RFX3: variants seen among roughly 807,000 people sequenced by gnomAD.
The protein encoded by RFX3 is regulatory factor X3, also known as transcription factor RFX3.
RFX3 carries 14 observed loss-of-function variants against 98.6 expected under a neutral mutation model. The observed-to-expected ratio is 0.14, with a 90% CI of 0.09 to 0.22. The LOEUF (loss-of-function observed/expected upper bound fraction) is 0.22. RFX3 is among the 10% of genes least tolerant of loss of function. The probability of loss-of-function intolerance (pLI) is 1.00; values close to 1 mark genes in which losing one functional copy is unlikely to be tolerated. For missense variants in RFX3, 639 were observed against 926.9 expected (o/e 0.69, Z 4.03); for synonymous variants, 383 against 328.4 (o/e 1.17, Z -1.80).
chr9:3,498,204 A>G (rs1469062800), intron 1 of RFX3, among the ~76,000 whole-genome samples: 1 of 151,942 alleles, frequency 6.6e-6, no homozygotes, highest in East Asian at 1.9e-4. Flanking sequence ...ACAATGTTAC[A>G]CTCTTAGGAA....
chr9:3,245,392 A>G (rs1423942597), intron 15 of RFX3, among the ~76,000 whole-genome samples: 2 of 152,188 alleles, frequency 1.3e-5, no homozygotes, highest in African/African-American at 4.8e-5. Flanking sequence ...AGGAAGTGGG[A>G]GGCTGATGTT....
At chr9:3,512,140 A>C (rs1450075008) in intron 1 of RFX3, among the ~76,000 whole-genome samples, 1 of 152,014 alleles carries the variant, frequency 6.6e-6, no homozygotes, top group Non-Finnish European at 1.5e-5. Context: ...AAAAAACAAG[A>C]TCATTTTTAA....
Position 3,403,722 on chromosome 9 carries a change from A to T in RFX3, c.-8-8126T>A, listed in dbSNP as rs10971813. ...AAACAATCCCTTAACACTGAAGCCA[A>T]ACTGCTGGAAAGACATACAGGACAG... is the stretch of plus-strand genomic sequence containing the variant. On this transcript the variant is annotated intron_variant, in intron 1 of 16. Transcript: ENST00000617270. Among the ~76,000 whole-genome samples, 25 of 152,328 alleles carry T rather than the reference A, an allele frequency of 1.6e-4. No homozygotes were observed. The East Asian group carries it at 4.6e-3, about 28-fold the overall frequency.
chr9:3,379,905 T>C (rs966976008), intron 2 of RFX3, among the ~76,000 whole-genome samples: 6 of 151,110 alleles, frequency 4.0e-5, no homozygotes, highest in Non-Finnish European at 7.4e-5. Context: ...TATTTATTTA[T>C]TTATTTATTT....
chr9:3,486,927 T>A (rs1046505305), intron 1 of RFX3, among the ~76,000 whole-genome samples: 1 of 152,212 alleles, frequency 6.6e-6, no homozygotes, highest in South Asian at 2.1e-4. Flanking sequence ...TTGGAACTCA[T>A]TATTATCAAA....
At chr9:3,342,186 G>A (rs1377682375) in intron 3 of RFX3, among the ~76,000 whole-genome samples, 5 of 152,142 alleles carry the variant, frequency 3.3e-5, no homozygotes, top group African/African-American at 1.2e-4. Context: ...ATTTCCCAAA[G>A]CATAACATGT....
At chr9:3,488,719 C>G in intron 1 of RFX3, 2 of 915,418 alleles carry the variant, frequency 2.2e-6, no homozygotes, top group Non-Finnish European at 2.6e-6. Context: ...ACCTTATATC[C>G]ATAAAATTGT....
At chr9:3,491,947 T>C (rs531965765) in intron 1 of RFX3, among the ~76,000 whole-genome samples, 1 of 152,350 alleles carries the variant, frequency 6.6e-6, no homozygotes, top group South Asian at 2.1e-4. Flanking sequence ...ATCGATGCTA[T>C]CTACCTACAA....
chr9:3,332,993 C>T (rs1832768329), intron 3 of RFX3, among the ~76,000 whole-genome samples: 2 of 152,162 alleles, frequency 1.3e-5, no homozygotes, highest in Non-Finnish European at 2.9e-5. Flanking sequence ...TCTGTACTTT[C>T]CCAACATCCT....
chr9:3,230,371 A>T (rs1818304971), intron 15 of RFX3, among the ~76,000 whole-genome samples: 1 of 152,170 alleles, frequency 6.6e-6, no homozygotes, highest in Non-Finnish European at 1.5e-5. Context: ...TAGAGTTATT[A>T]AAAGTAATGG....
chr9:3,488,033 C>A (rs1347063839), intron 1 of RFX3, among the ~76,000 whole-genome samples: 3 of 151,618 alleles, frequency 2.0e-5, no homozygotes, highest in Admixed American at 6.6e-5. Context: ...ATTATAATTA[C>A]TGTTCTATAG....
At chr9:3,448,179 A>G (rs1846223556) in intron 1 of RFX3, among the ~76,000 whole-genome samples, 1 of 152,156 alleles carries the variant, frequency 6.6e-6, no homozygotes, top group African/African-American at 2.4e-5. Flanking sequence ...AAAAAATTAC[A>G]TTCTTACAAT....
chr9:3,437,628 C>G lies in RFX3; in HGVS notation c.-8-42032G>C, dbSNP rs539547066. ...TCATAAAGCTATTTCAGGTTTAGGC[C>G]TCTCAGGAGTTCATACATAGACTTC... is the stretch of plus-strand genomic sequence containing the variant. On this transcript the variant is annotated intron_variant, in intron 1 of 16. Transcript: ENST00000617270. 5.3e-5 allele frequency among the ~76,000 whole-genome samples: 8 copies of G among 152,146 alleles called. No homozygotes were observed. In the East Asian group the frequency reaches 1.5e-3, roughly 29 times the overall value.
chr9:3,470,574 G>T lies in RFX3; in HGVS notation c.-9+55173C>A, dbSNP rs535063388. Among the ~76,000 whole-genome samples, 21 of 151,562 alleles carry T rather than the reference G, an allele frequency of 1.4e-4. No individual in the cohort carries two copies. The South Asian group carries it at 2.7e-3, about 20-fold the overall frequency. ...GATCTCCTGACCTCGTGATCCGCCC[G>T]CCTCGGCCTCCCAGAGTGCTGGGAT... is the stretch of plus-strand genomic sequence containing the variant. On this transcript the variant is annotated intron_variant, in intron 1 of 16. Coordinates refer to ENST00000617270, the MANE Select transcript of RFX3 (RefSeq NM_001282116.2).
chr9:3,420,749 C>CTTCA lies in RFX3; in HGVS notation c.-8-25157_-8-25154dup, dbSNP rs1433082786. ...AACCCCTGTATCCTTCCATAACTGC[C>CTTCA]TTCATTCATCACTACTGTTCTTTCC... On this transcript the variant is annotated intron_variant, in intron 1 of 16. Transcript: ENST00000617270. 3 of 978,494 alleles carry CTTCA rather than the reference C, an allele frequency of 3.1e-6. No individual in the cohort carries two copies. The African/African-American group carries it at 5.3e-5, about 17-fold the overall frequency. 60.6% of individuals were successfully genotyped at this position (978,494 alleles called of 1,614,324 possible).
rs578131003 is a variant in RFX3 at position 3,270,790 on chromosome 9, C to T, written c.1202+213G>A. ...AATTCCATGAGGATGAAATAACTAC[C>T]ACAGTCCCCCAAATCAGTACAAATG... On this transcript the variant is annotated intron_variant, in intron 10 of 16. Transcript: ENST00000617270. 9.4e-5 allele frequency: 65 copies of T among 690,988 alleles called. No individual in the cohort carries two copies. The South Asian group carries it at 1.1e-3, about 12-fold the overall frequency. The allele number at this position is 690,988 out of a possible 1,614,324, so 42.8% of individuals were successfully genotyped here.
In RFX3 at chr9:3,359,804, T is replaced by C. The variant is rs1836199966; in HGVS notation, c.118-13040A>G. On this transcript the variant is annotated intron_variant, in intron 2 of 16. Coordinates refer to ENST00000617270, the MANE Select transcript of RFX3 (RefSeq NM_001282116.2). ...ATATGATCACTTTTAATACCATTAG[T>C]GTATCATTAAAAACCAAAGGTGAAA... Among the ~76,000 whole-genome samples the C allele has an allele frequency of 2.0e-5, 3 of 152,248 alleles. No homozygotes were observed. In the South Asian group the frequency reaches 6.2e-4, roughly 32 times the overall value.
chr9:3,265,791 T>C (rs1823556118), intron 12 of RFX3, among the ~76,000 whole-genome samples: 1 of 152,154 alleles, frequency 6.6e-6, no homozygotes. Flanking sequence ...TATGAACTTT[T>C]CAGGATATGA....
intron 7 of RFX3, 114 bp from the exon 8 acceptor site, chr9:3,277,575 T>G: frequency 1.2e-6 from 1 of 846,298 alleles, no homozygotes; most frequent in Non-Finnish European, 1.8e-6. Flanking sequence ...CGTCTCATGA[T>G]AGTTGTAGGA....
Sources: gnomAD v4.1 joint callset for allele counts (sites outside exome capture counted in the v4.1 genomes callset) on GRCh38, gnomAD v4.1.1 for gene constraint, MANE v1.5 for transcripts, NCBI Gene and HGNC (gene_info 2026-07-23, HGNC 2026-07-21) for gene names.